TGFA: variants seen among roughly 807,000 people sequenced by gnomAD.
TGFA encodes protransforming growth factor alpha.
A neutral mutation model predicts 21.7 loss-of-function variants in TGFA; 12 were observed. The observed-to-expected ratio is 0.55, with a 90% CI of 0.35 to 0.90. The LOEUF (loss-of-function observed/expected upper bound fraction) is 0.90. TGFA is among the 40% of genes least tolerant of loss of function. The probability of loss-of-function intolerance (pLI) is 0.01; values close to 1 mark genes in which losing one functional copy is unlikely to be tolerated. For synonymous variants in TGFA, 79 were observed against 88.1 expected, an observed-to-expected ratio of 0.90 and a Z score of 0.58; for missense variants, 178 against 210.8, an observed-to-expected ratio of 0.84 and a Z score of 0.96.
intron 2 of TGFA, among the ~76,000 whole-genome samples, chr2:70,492,992 C>A (rs1435606621): frequency 6.6e-6 from 1 of 152,026 alleles, no homozygotes; most frequent in Non-Finnish European, 1.5e-5. Context: ...AAAATGTAGC[C>A]CTCATTCCCT....
chr2:70,492,903 A>C (rs3821263), intron 2 of TGFA, among the ~76,000 whole-genome samples: 11,767 of 152,280 alleles, frequency 0.077, 636 homozygotes, highest in Non-Finnish European at 0.11. Context: ...TAGAATGCTA[A>C]ATTCTATAGC....
chr2:70,510,263 A>T (rs566793025), intron 2 of TGFA, among the ~76,000 whole-genome samples: 115 of 152,338 alleles, frequency 7.5e-4, no homozygotes, highest in Non-Finnish European at 2.9e-5. Context: ...TTGAACCTGA[A>T]TGTAAAAAAG....
At chr2:70,518,347 A>T (rs1313808176) in intron 1 of TGFA, among the ~76,000 whole-genome samples, 1 of 152,244 alleles carries the variant, frequency 6.6e-6, no homozygotes, top group Admixed American at 6.5e-5. Context: ...CAACGGAAGA[A>T]AACCCTTATG....
intron 1 of TGFA, among the ~76,000 whole-genome samples, chr2:70,515,755 C>T (rs1350613812): frequency 6.6e-6 from 1 of 152,098 alleles, no homozygotes; most frequent in Non-Finnish European, 1.5e-5. Context: ...AACCCCAGGC[C>T]CTGCCAGGGA....
At chr2:70,478,474 T>C (rs1671004589) in intron 2 of TGFA, among the ~76,000 whole-genome samples, 1 of 149,282 alleles carries the variant, frequency 6.7e-6, no homozygotes, top group South Asian at 2.1e-4. Flanking sequence ...TCTCACCAGC[T>C]GCAAAATCTT....
intron 2 of TGFA, among the ~76,000 whole-genome samples, chr2:70,477,610 C>T (rs367743075): frequency 6.6e-6 from 1 of 152,134 alleles, no homozygotes; most frequent in East Asian, 1.9e-4. Context: ...GGATATATGG[C>T]CAGTGGATCT....
chr2:70,529,185 C>G (rs1300197196), intron 1 of TGFA, among the ~76,000 whole-genome samples: 8 of 152,162 alleles, frequency 5.3e-5, no homozygotes, highest in African/African-American at 1.7e-4. Context: ...CAGAACAGTG[C>G]CTGACACATA....
rs547380812 is a variant in TGFA at position 70,463,708 on chromosome 2, C to T, written c.215+1908G>A. On this transcript the variant is annotated intron_variant, in intron 3 of 5. Coordinates refer to ENST00000295400, the MANE Select transcript of TGFA (RefSeq NM_003236.4). ...AGGCCCTGTATGCTTGATTCTGGGC[C>T]GAGCCCTGGACGTGGCTGGTGGGAG... is the stretch of plus-strand genomic sequence containing the variant. 1.4e-4 allele frequency among the ~76,000 whole-genome samples: 21 copies of T among 152,232 alleles called. No individual in the cohort carries two copies. The East Asian group carries it at 2.9e-3, about 21-fold the overall frequency.
At chr2:70,457,611 G>T (rs936977712) in intron 3 of TGFA, among the ~76,000 whole-genome samples, 12 of 150,240 alleles carry the variant, frequency 8.0e-5, no homozygotes, top group Admixed American at 2.6e-4. Flanking sequence ...GCGGGATCTC[G>T]GCTCACTGCA....
At chr2:70,514,180 A>C (rs999261712) in intron 2 of TGFA, among the ~76,000 whole-genome samples, 3 of 152,226 alleles carry the variant, frequency 2.0e-5, no homozygotes, top group South Asian at 2.1e-4. Context: ...CTTTCCAGCA[A>C]CATGGAACAA....
intron 2 of TGFA, among the ~76,000 whole-genome samples, chr2:70,503,887 A>T (rs1671817923): frequency 6.6e-6 from 1 of 152,274 alleles, no homozygotes; most frequent in African/African-American, 2.4e-5. Context: ...AAGGAGAGGG[A>T]AGACTGCGTT....
At chr2:70,463,195 C>A (rs1553491687) in intron 3 of TGFA, among the ~76,000 whole-genome samples, 1 of 152,156 alleles carries the variant, frequency 6.6e-6, no homozygotes, top group Non-Finnish European at 1.5e-5. Context: ...GGGTAATAAT[C>A]CCTACTTGAG....
chr2:70,536,998 CT>C (rs35098749), intron 1 of TGFA, among the ~76,000 whole-genome samples: 39,692 of 136,556 alleles, frequency 0.29, 6,056 homozygotes, highest in African/African-American at 0.48. Context: ...TTTTCTTTTT[CT>C]TTTTTTTTTT....
chr2:70,470,493 T>C (rs1466704839), intron 2 of TGFA, among the ~76,000 whole-genome samples: 1 of 152,198 alleles, frequency 6.6e-6, no homozygotes, highest in Non-Finnish European at 1.5e-5. Flanking sequence ...GAGAGCAACT[T>C]CTCTTCTTCT....
chr2:70,542,939 C>A (rs755017813), intron 1 of TGFA, among the ~76,000 whole-genome samples: 11 of 152,082 alleles, frequency 7.2e-5, no homozygotes, highest in Non-Finnish European at 1.6e-4. Context: ...CCTATCTCTA[C>A]TAAAAATACA....
chr2:70,535,002 T>C (rs1481486748), intron 1 of TGFA, among the ~76,000 whole-genome samples: 2 of 151,738 alleles, frequency 1.3e-5, no homozygotes, highest in African/African-American at 4.9e-5. Flanking sequence ...CAGAGGGAAC[T>C]TGGGCAAGTC....
At chr2:70,499,646 A>G (rs1671679672) in intron 2 of TGFA, among the ~76,000 whole-genome samples, 1 of 152,236 alleles carries the variant, frequency 6.6e-6, no homozygotes, top group African/African-American at 2.4e-5. Context: ...TGAGCTACAG[A>G]GAGCTAGTAT....
intron 3 of TGFA, among the ~76,000 whole-genome samples, chr2:70,462,449 G>A (rs1670433228): frequency 6.6e-6 from 1 of 152,178 alleles, no homozygotes; most frequent in South Asian, 2.1e-4. Flanking sequence ...AGAGCAGCAG[G>A]GCAACAGGTG....
At chr2:70,528,263 A>C (rs1334697822) in intron 1 of TGFA, among the ~76,000 whole-genome samples, 2 of 152,200 alleles carry the variant, frequency 1.3e-5, no homozygotes, top group Admixed American at 1.3e-4. Context: ...ATTGTAACAA[A>C]CATACTACAC....
Sources: gnomAD v4.1 joint callset for allele counts (sites outside exome capture counted in the v4.1 genomes callset) on GRCh38, gnomAD v4.1.1 for gene constraint, MANE v1.5 for transcripts, NCBI Gene and HGNC (gene_info 2026-07-23, HGNC 2026-07-21) for gene names.